GALNTL6: variants seen among roughly 807,000 people sequenced by gnomAD.
GALNTL6 encodes polypeptide N-acetylgalactosaminyltransferase like 6, also known as polypeptide N-acetylgalactosaminyltransferase-like 6.
Under a neutral mutation model 73.7 loss-of-function variants are expected in GALNTL6, and 46 were observed. That is an observed-to-expected ratio of 0.62 (90% CI 0.49 to 0.80). The LOEUF (loss-of-function observed/expected upper bound fraction) is 0.80. Among genes scored for constraint, GALNTL6 ranks in the 30% least tolerant of loss-of-function variants. The pLI is 0.00. For missense variants in GALNTL6, 604 were observed against 755.0 expected, an observed-to-expected ratio of 0.80 and a Z score of 2.34; for synonymous variants, 259 against 263.7, an observed-to-expected ratio of 0.98 and a Z score of 0.17.
intron 2 of GALNTL6, among the ~76,000 whole-genome samples, chr4:171,921,209 CG>C (rs1737776528): frequency 6.6e-6 from 1 of 151,836 alleles, no homozygotes; most frequent in African/African-American, 2.4e-5. Flanking sequence ...ATATCTCATT[CG>C]GAGCAGAAAA....
chr4:172,832,855 G>A (rs543682873), intron 7 of GALNTL6, among the ~76,000 whole-genome samples: 6 of 152,260 alleles, frequency 3.9e-5, no homozygotes, highest in South Asian at 2.1e-4. Flanking sequence ...GGACAAAATC[G>A]TGGCCACAGG....
intron 5 of GALNTL6, among the ~76,000 whole-genome samples, chr4:172,349,024 G>A (rs905765080): frequency 2.0e-5 from 3 of 152,114 alleles, no homozygotes; most frequent in African/African-American, 7.2e-5. Context: ...AAATATTTGA[G>A]TTAGAACTAT....
rs371289695 is a variant in GALNTL6, at chr4:172,893,342, TGGC to T, written c.1041+10438_1041+10440del. Among the ~76,000 whole-genome samples the T allele has an allele frequency of 5.2e-4, 68 of 129,558 alleles. 1 individual carries two copies. Among genetic ancestry groups the T allele is most frequent in the Non-Finnish European group, 6.2e-4 (38 of 61,570 alleles). The allele number at this position is 129,558 out of a possible 152,430, so 85.0% of individuals were successfully genotyped here. A position where few individuals can be genotyped will look rare whatever the true frequency, so the allele number is the denominator to read the frequency against. On this transcript the variant is annotated intron_variant, in intron 8 of 12. Transcript: ENST00000506823. ...ATCACTCTTCTAAGTGTTCTGAGAG[TGGC>T]GGGGGGGGGGTCTTCCCCTTCTCAA...
chr4:172,169,344 T>A (rs1030810454), intron 2 of GALNTL6, among the ~76,000 whole-genome samples: 7 of 152,236 alleles, frequency 4.6e-5, no homozygotes, highest in African/African-American at 1.7e-4. Flanking sequence ...AGCTGAAAGT[T>A]ATTTTAGACA....
At chr4:172,055,729 A>G (rs1532856) in intron 2 of GALNTL6, among the ~76,000 whole-genome samples, 1 of 151,940 alleles carries the variant, frequency 6.6e-6, no homozygotes, top group Non-Finnish European at 1.5e-5. Context: ...CACATGACAA[A>G]GTAATAACAC....
chr4:171,905,003 A>G (rs1366024316), intron 2 of GALNTL6, among the ~76,000 whole-genome samples: 5 of 152,322 alleles, frequency 3.3e-5, no homozygotes, highest in South Asian at 4.1e-4. Flanking sequence ...AGCGCTAAAC[A>G]TGGAAAGGAA....
At chr4:171,993,372 A>G (rs1241376292) in intron 2 of GALNTL6, among the ~76,000 whole-genome samples, 1 of 151,376 alleles carries the variant, frequency 6.6e-6, no homozygotes, top group Non-Finnish European at 1.5e-5. Flanking sequence ...GGCAATGCTA[A>G]CAGGACACAT....
chr4:172,785,708 A>G (rs866950048), intron 5 of GALNTL6, among the ~76,000 whole-genome samples: 6 of 152,316 alleles, frequency 3.9e-5, no homozygotes, highest in Non-Finnish European at 5.9e-5. Context: ...CTAAGATTAA[A>G]TTCATGTGAC....
intron 8 of GALNTL6, among the ~76,000 whole-genome samples, chr4:172,903,177 G>T (rs767260643): frequency 1.3e-5 from 2 of 151,124 alleles, no homozygotes; most frequent in Non-Finnish European, 1.5e-5. Flanking sequence ...CATAAACCAT[G>T]AAACTTTCTA....
intron 2 of GALNTL6, among the ~76,000 whole-genome samples, chr4:172,174,883 C>A (rs1734941950): frequency 6.6e-6 from 1 of 152,094 alleles, no homozygotes; most frequent in South Asian, 2.1e-4. Context: ...ATTGCATATA[C>A]ATTTAGATGA....
At chr4:172,758,884 A>C (rs1482411025) in intron 5 of GALNTL6, among the ~76,000 whole-genome samples, 1 of 152,212 alleles carries the variant, frequency 6.6e-6, no homozygotes, top group African/African-American at 2.4e-5. Flanking sequence ...ATCCACTGGG[A>C]TCTTGGAATG....
chr4:172,328,639 G>C (rs1375909430), intron 4 of GALNTL6, among the ~76,000 whole-genome samples: 2 of 151,904 alleles, frequency 1.3e-5, no homozygotes, highest in Non-Finnish European at 2.9e-5. Context: ...CAGGGATCCA[G>C]TCTTCAAGTT....
At chr4:172,490,741 C>T (rs1374886598) in intron 5 of GALNTL6, among the ~76,000 whole-genome samples, 1 of 152,102 alleles carries the variant, frequency 6.6e-6, no homozygotes, top group African/African-American at 2.4e-5. Context: ...ATAAGAGAAG[C>T]AGACCCAAGA....
At chr4:171,837,978 T>C (rs1257512246) in intron 2 of GALNTL6, among the ~76,000 whole-genome samples, 3 of 151,846 alleles carry the variant, frequency 2.0e-5, no homozygotes, top group East Asian at 1.9e-4. Flanking sequence ...AGCTCCAAGA[T>C]AAATGCTGTG....
At chr4:171,943,845 G>C (rs332994) in intron 2 of GALNTL6, among the ~76,000 whole-genome samples, 106,569 of 151,846 alleles carry the variant, frequency 0.7, 39,008 homozygotes, top group Admixed American at 0.82. Flanking sequence ...CCTACGGGTA[G>C]GCTTTTTTTA....
intron 5 of GALNTL6, among the ~76,000 whole-genome samples, chr4:172,386,931 T>A (rs1743493783): frequency 6.6e-6 from 1 of 152,110 alleles, no homozygotes; most frequent in South Asian, 2.1e-4. Context: ...ACCATTCCAA[T>A]CAAATGCCAA....
At chr4:173,009,600 T>C (rs1330828651) in intron 11 of GALNTL6, among the ~76,000 whole-genome samples, 3 of 152,222 alleles carry the variant, frequency 2.0e-5, no homozygotes, top group African/African-American at 4.8e-5. Context: ...AGAATGGTAG[T>C]TTAACAGAGG....
intron 5 of GALNTL6, among the ~76,000 whole-genome samples, chr4:172,527,788 G>A (rs565900889): frequency 2.2e-4 from 33 of 152,086 alleles, no homozygotes; most frequent in Non-Finnish European, 4.7e-4. Flanking sequence ...GTGTTTGAAT[G>A]AGTTTCAGGC....
At chr4:171,886,570 A>G (rs1313632131) in intron 2 of GALNTL6, among the ~76,000 whole-genome samples, 1 of 152,196 alleles carries the variant, frequency 6.6e-6, no homozygotes. Context: ...TGGGCAATTT[A>G]CAAAAGAGAG....
Sources: gnomAD v4.1 joint callset for allele counts (sites outside exome capture counted in the v4.1 genomes callset) on GRCh38, gnomAD v4.1.1 for gene constraint, MANE v1.5 for transcripts, NCBI Gene and HGNC (gene_info 2026-07-23, HGNC 2026-07-21) for gene names.